The following ATP6V1C2 variants were observed in gnomAD, a reference collection of about 807,000 sequenced individuals.
ATP6V1C2 encodes the protein ATPase H+ transporting V1 subunit C2.
A neutral mutation model predicts 56.8 loss-of-function variants in ATP6V1C2; 45 were observed. The ratio of observed to expected loss-of-function variants is 0.79; its 90% CI spans 0.62 to 1.02. The LOEUF (loss-of-function observed/expected upper bound fraction) is 1.02, where lower values mean the gene tolerates loss of function less well. ATP6V1C2 is among the 50% of genes least tolerant of loss of function. ATP6V1C2 has a pLI of 0.00. For missense variants in ATP6V1C2, 463 were observed against 519.7 expected, an observed-to-expected ratio of 0.89 and a Z score of 1.06; for synonymous variants, 220 against 201.3, an observed-to-expected ratio of 1.09 and a Z score of -0.79.
chr2:10,729,548 A>T (rs373978307), intron 3 of ATP6V1C2, among the ~76,000 whole-genome samples: 4 of 152,196 alleles, frequency 2.6e-5, no homozygotes, highest in Non-Finnish European at 5.9e-5. Flanking sequence ...TAATTTCTGG[A>T]TAACGTAGTA....
chr2:10,722,554 C>T (rs1295884333), intron 1 of ATP6V1C2, among the ~76,000 whole-genome samples: 1 of 152,112 alleles, frequency 6.6e-6, no homozygotes, highest in Admixed American at 6.5e-5. Context: ...AGGGGTTGTT[C>T]ACTGAGGTGG....
At chr2:10,778,697 A>G in intron 12 of ATP6V1C2, 28 bp downstream of exon 12, 1 of 1,611,204 alleles carries the variant, frequency 6.2e-7, no homozygotes, top group Non-Finnish European at 8.5e-7. Flanking sequence ...CCCGGCTGGG[A>G]CTGTCCTGAG....
chr2:10,737,896 A>G (rs535310201), intron 3 of ATP6V1C2, among the ~76,000 whole-genome samples: 3 of 152,232 alleles, frequency 2.0e-5, no homozygotes, highest in Admixed American at 6.5e-5. Context: ...GTTTTGCCAC[A>G]TTGGCCAGGT....
chr2:10,730,382 T>G (rs979067935), intron 3 of ATP6V1C2, among the ~76,000 whole-genome samples: 14 of 151,848 alleles, frequency 9.2e-5, no homozygotes, highest in Admixed American at 2.6e-4. Flanking sequence ...TCCCAAAGTG[T>G]TGGGATTACA....
At chr2:10,772,471 C>T (rs1664682412) in intron 7 of ATP6V1C2, 71 bp from the exon 8 acceptor site, 1 of 1,323,838 alleles carries the variant, frequency 7.6e-7, no homozygotes, top group African/African-American at 1.5e-5. Context: ...GGGTGTGCAG[C>T]TTCCTAGGCA....
chr2:10,752,630 A>G (rs1663285092), intron 3 of ATP6V1C2, among the ~76,000 whole-genome samples: 1 of 152,228 alleles, frequency 6.6e-6, no homozygotes, highest in African/African-American at 2.4e-5. Context: ...AATATTCATA[A>G]TAATCCTGTA....
In ATP6V1C2 at chr2:10,785,089, G is replaced by A. The variant is rs1266130556; in HGVS notation, c.*1826G>A. ...TTTACAATGGACTGCTGGTGCAGAA[G>A]AATAAACAACTTTAAAAATAACAGT... On this transcript the variant is annotated 3_prime_UTR_variant, in exon 14 of 14. Transcript: ENST00000272238. 7.7e-6 allele frequency: 9 copies of A among 1,167,950 alleles called. No homozygotes were observed. Among genetic ancestry groups the A allele is most frequent in the Admixed American group, 2.0e-5 (1 of 49,396 alleles). The allele number at this position is 1,167,950 out of a possible 1,614,324, so 72.3% of individuals were successfully genotyped here. A position where few individuals can be genotyped will look rare whatever the true frequency, so the allele number is the denominator to read the frequency against.
chr2:10,758,323 G>C (rs1469271530), intron 4 of ATP6V1C2, among the ~76,000 whole-genome samples: 1 of 152,334 alleles, frequency 6.6e-6, no homozygotes, highest in East Asian at 1.9e-4. Context: ...TCCATCCCCA[G>C]TCCCGATGGT....
At chr2:10,782,468 G>C in intron 13 of ATP6V1C2, 93 bp downstream of exon 13, 1 of 1,403,376 alleles carries the variant, frequency 7.1e-7, no homozygotes, top group Non-Finnish European at 9.8e-7. Context: ...CACTTTGGGA[G>C]GTAGGTGGAT....
intron 3 of ATP6V1C2, among the ~76,000 whole-genome samples, chr2:10,739,770 T>C (rs886625837): frequency 6.6e-6 from 1 of 152,194 alleles, no homozygotes. Flanking sequence ...TGTAAATTTT[T>C]GATTATTTTA....
At chr2:10,766,058 G>A (rs1305715909) in intron 5 of ATP6V1C2, among the ~76,000 whole-genome samples, 4 of 152,224 alleles carry the variant, frequency 2.6e-5, no homozygotes, top group Non-Finnish European at 4.4e-5. Context: ...CTGAGGGGTT[G>A]AGCGAGCGAT....
chr2:10,776,979 A>G (rs537273711), intron 10 of ATP6V1C2, among the ~76,000 whole-genome samples: 2 of 152,316 alleles, frequency 1.3e-5, no homozygotes, highest in East Asian at 1.9e-4. Context: ...CTAGAAGTGC[A>G]TGACCAAACG....
At chr2:10,778,525 C>A in intron 11 of ATP6V1C2, 47 bp from the exon 12 acceptor site, 1 of 1,569,768 alleles carries the variant, frequency 6.4e-7, no homozygotes, top group South Asian at 1.1e-5. Flanking sequence ...GGCTCTGTGT[C>A]AGGCGGGGTG....
At chr2:10,732,500 T>C (rs1572508467) in intron 3 of ATP6V1C2, among the ~76,000 whole-genome samples, 1 of 151,918 alleles carries the variant, frequency 6.6e-6, no homozygotes, top group Non-Finnish European at 1.5e-5. Context: ...CCTCAGGTGA[T>C]CCGCCAGCCT....
At chr2:10,778,153 T>C (rs1253573913) in intron 11 of ATP6V1C2, among the ~76,000 whole-genome samples, 3 of 152,164 alleles carry the variant, frequency 2.0e-5, no homozygotes, top group African/African-American at 7.2e-5. Flanking sequence ...CATCAGTGGC[T>C]GCTGCTGTGG....
Position 10,784,336 on chromosome 2 carries a change from G to A in ATP6V1C2, c.*1073G>A, listed in dbSNP as rs372081801. 7.5e-5 allele frequency: 121 copies of A among 1,610,196 alleles called. No individual in the cohort carries two copies. Among genetic ancestry groups the A allele is most frequent in the Middle Eastern group, 1.6e-4 (1 of 6,072 alleles). On this transcript the variant is annotated 3_prime_UTR_variant, in exon 14 of 14. Coordinates refer to ENST00000272238, the MANE Select transcript of ATP6V1C2 (RefSeq NM_001039362.2). ...CATCCTCCACGGGAAGCTGGGAGAC[G>A]ACAGAAAGCCACTGTTAGATCTGCA...
rs924951776 is a variant in ATP6V1C2, at chr2:10,763,663, C to T, written c.284-668C>T. On this transcript the variant is annotated intron_variant, in intron 4 of 13. Coordinates refer to ENST00000272238, the MANE Select transcript of ATP6V1C2 (RefSeq NM_001039362.2). This position sits in a 1 kb window ranked among gnomAD's most constrained non-coding sequence, Gnocchi z 4.2. ...GGAATTTCCCGCTCTTCCATAGACC[C>T]GGCGTATTAAAAGAGGTCAGGTCCT... is the stretch of plus-strand genomic sequence containing the variant. Among the ~76,000 whole-genome samples the T allele has an allele frequency of 2.0e-5, 3 of 152,206 alleles. No homozygotes were observed. The highest frequency in any genetic ancestry group is 6.5e-5 in the Admixed American group (1 of 15,284).
chr2:10,782,360 T>C lies in ATP6V1C2; in HGVS notation c.1179T>C (p.Ala393=), dbSNP rs763288511. The change falls in exon 13 of 14, where the codon GCT becomes GCC. Residue 393 remains alanine (A), a synonymous_variant. Transcript: ENST00000272238. The stretch of plus-strand genomic sequence containing the variant: ...TCCGACATCTGGATGAAGTAGCCGC[T>C]ACAAGTATACTGGATGTAGGTATCC... ...SVFRHLDEVA[A]TSILDASVEI... is the part of the protein sequence containing the mutation. 10 of 1,614,074 alleles carry C rather than the reference T, an allele frequency of 6.2e-6. No individual in the cohort carries two copies. In the South Asian group the frequency reaches 1.1e-4, roughly 18 times the overall value.
intron 12 of ATP6V1C2, among the ~76,000 whole-genome samples, chr2:10,779,923 CCT>C (rs1665245022): frequency 6.6e-6 from 1 of 152,070 alleles, no homozygotes; most frequent in Admixed American, 6.6e-5. Context: ...GCTTTTCTGC[CCT>C]GTGTGGCTGC....
Sources: gnomAD v4.1 joint callset for allele counts (sites outside exome capture counted in the v4.1 genomes callset) on GRCh38, gnomAD v4.1.1 for gene constraint, Gnocchi (gnomAD v3.1) non-coding constraint, MANE v1.5 for transcripts, NCBI Gene and HGNC (gene_info 2026-07-23, HGNC 2026-07-21) for gene names.